MUC5B: variants seen among roughly 807,000 people sequenced by gnomAD.
MUC5B encodes the protein mucin 5B, oligomeric mucus/gel-forming, also known as mucin-5B.
Under a neutral mutation model 376.9 loss-of-function variants are expected in MUC5B, and 116 were observed. That is an observed-to-expected ratio of 0.31 (90% CI 0.26 to 0.36). The LOEUF (loss-of-function observed/expected upper bound fraction) is 0.36. Ranked by LOEUF, MUC5B falls within the 10% of genes least tolerant of loss-of-function variation. The probability of loss-of-function intolerance (pLI) is 1.00; values close to 1 mark genes in which losing one functional copy is unlikely to be tolerated. For missense variants in MUC5B, 7,165 were observed against 7,769.9 expected, an observed-to-expected ratio of 0.92 and a Z score of 2.93; for synonymous variants, 3,517 against 3,390.9, an observed-to-expected ratio of 1.04 and a Z score of -1.29.
chr11:1,229,462 G>A (rs56272039), intron 9 of MUC5B, among the ~76,000 whole-genome samples, 167 bp downstream of exon 9: 260 of 152,290 alleles, frequency 1.7e-3, no homozygotes, highest in Non-Finnish European at 2.2e-3. Context: ...AAGACCTGCC[G>A]ATGCGTGGAG....
At position 1,248,517 on chromosome 11, in the gene MUC5B, C is replaced by T; in HGVS notation, c.11637C>T (p.Ser3879=). The T allele has an allele frequency of 1.2e-6, 2 of 1,613,136 alleles. No individual in the cohort carries two copies. Among genetic ancestry groups the T allele is most frequent in the Non-Finnish European group, 8.5e-7 (1 of 1,179,578 alleles). ...TTTGFTVTPS[S]SPGTARTPPV... ...CGGGCTTCACAGTCACCCCCTCCTCCAGCCCAGGGACGGCACGCACGCCTC... is the reference window on the plus strand; with the variant it reads ...CGGGCTTCACAGTCACCCCCTCCTCTAGCCCAGGGACGGCACGCACGCCTC... The change falls in exon 31 of 49, where the codon TCC becomes TCT. Residue 3879 remains serine, a synonymous_variant. Transcript: ENST00000529681.
rs1343941114 is a variant in MUC5B, at chr11:1,246,006, C to T, written c.9126C>T (p.Ser3042=). The T allele has an allele frequency of 4.3e-6, 7 of 1,612,922 alleles. No individual in the cohort carries two copies. The highest frequency in any genetic ancestry group is 1.7e-5 in the Admixed American group (1 of 59,940). ...CCACCAGTTCCAAAGCCACTTCCTC[C>T]TCCAGTCCAAGGACTGCAACCACCC... ...PTATSSKATS[S]SSPRTATTLP... is the part of the protein sequence containing the mutation. Residue 3042 remains serine, a synonymous_variant, in exon 31 of 49, where the codon TCC becomes TCT. Coordinates refer to ENST00000529681, the MANE Select transcript of MUC5B (RefSeq NM_002458.3).
chr11:1,241,466 C>A lies in MUC5B; in HGVS notation c.4586C>A (p.Ser1529Tyr). 6.2e-7 allele frequency: 1 copy of A among 1,613,578 alleles called. No individual in the cohort carries two copies. The highest frequency in any genetic ancestry group is 1.1e-5 in the South Asian group (1 of 91,058). ...GAACAACTTGGAGGGGACGTTGAGT[C>A]CTACGATAAGATCAGGGCCGCTGGA... ...KSEQLGGDVE[S>Y]YDKIRAAGGH... Residue 1529 changes from serine (S) to tyrosine (Y), a missense_variant, in exon 31 of 49, where the codon TCC (serine) becomes TAC (tyrosine). This residue lies in a region of MUC5B where 517 missense variants were observed against 545.3 expected (regional missense o/e 0.95). Coordinates refer to ENST00000529681, the MANE Select transcript of MUC5B (RefSeq NM_002458.3).
At chr11:1,236,676 T>A (rs572847492) in intron 24 of MUC5B, 114 bp downstream of exon 24, 1 of 1,223,264 alleles carries the variant, frequency 8.2e-7, no homozygotes, top group South Asian at 1.5e-5. Flanking sequence ...TGAGCCTGGC[T>A]GGTGAGGGCC....
At chr11:1,260,188 T>A in intron 46 of MUC5B, 103 bp downstream of exon 46, 1 of 1,385,330 alleles carries the variant, frequency 7.2e-7, no homozygotes, top group Non-Finnish European at 9.8e-7. Flanking sequence ...CCACCCCTGC[T>A]GGGGAGGCCC....
At chr11:1,254,537 G>A (rs2857474) in intron 34 of MUC5B, among the ~76,000 whole-genome samples, 157 bp from the exon 35 acceptor site, 3,798 of 152,318 alleles carry the variant, frequency 0.025, 62 homozygotes, top group Non-Finnish European at 0.033. Context: ...AATGCAGCCA[G>A]CTGGAGACTC....
At position 1,247,531 on chromosome 11, in the gene MUC5B, T is replaced by C; in HGVS notation, c.10651T>C (p.Ser3551Pro). 3.1e-6 allele frequency: 5 copies of C among 1,610,158 alleles called. No individual in the cohort carries two copies. Among genetic ancestry groups the C allele is most frequent in the Non-Finnish European group, 4.2e-6 (5 of 1,179,192 alleles). ...AGCCACACCCAGCAAGACCCGCACC[T>C]CGACCCTGCTGCCCAGCAGCCCCAC... is the stretch of plus-strand genomic sequence containing the variant. ...ATATPSKTRT[S>P]TLLPSSPTSA... Residue 3551 changes from serine (S) to proline (P), a missense_variant, in exon 31 of 49, where the codon TCG becomes CCG. Coordinates refer to ENST00000529681, the MANE Select transcript of MUC5B (RefSeq NM_002458.3).
At position 1,247,043 on chromosome 11, in the gene MUC5B, C is replaced by G. The variant is rs765987581; in HGVS notation, c.10163C>G (p.Pro3388Arg). ...AGCACACAGACCAGTGGTACTCCCCCATCACTGACCACCACGGCCACTACG... is the reference window on the plus strand; with the variant it reads ...AGCACACAGACCAGTGGTACTCCCCGATCACTGACCACCACGGCCACTACG... ...SSSTQTSGTP[P>R]SLTTTATTIT... The change falls in exon 31 of 49, where the codon CCA (proline) becomes CGA (arginine). Residue 3388 changes from proline (P) to arginine (R), a missense_variant. Pro to Arg is a moderately radical substitution (Grantham distance 103). Coordinates refer to ENST00000529681, the MANE Select transcript of MUC5B (RefSeq NM_002458.3). 27 of 1,550,380 alleles carry G rather than the reference C, an allele frequency of 1.7e-5. No individual in the cohort carries two copies. The highest frequency in any genetic ancestry group is 2.3e-5 in the Non-Finnish European group (26 of 1,145,544).
Position 1,232,485 on chromosome 11 carries a change from G to T in MUC5B, c.1879G>T (p.Asp627Tyr). 2.5e-6 allele frequency: 4 copies of T among 1,610,638 alleles called. No individual in the cohort carries two copies. The highest frequency in any genetic ancestry group is 3.4e-6 in the Non-Finnish European group (4 of 1,179,052). ...YARHWCSRLTDPNSAFSRCHS... is the reference protein window; with the variant it reads ...YARHWCSRLTYPNSAFSRCHS... ...CCGGCACTGGTGCTCGCGCCTGACC[G>T]ATCCCAACAGTGCCTTCTCGCGCTG... The change falls in exon 16 of 49, where the codon GAT becomes TAT. Residue 627 changes from aspartate (D) to tyrosine (Y), a missense_variant. This residue lies in a region of MUC5B where 530 missense variants were observed against 604.0 expected (regional missense o/e 0.88). Coordinates refer to ENST00000529681, the MANE Select transcript of MUC5B (RefSeq NM_002458.3).
Position 1,241,444 on chromosome 11 carries a change from C to A in MUC5B, c.4564C>A (p.Gln1522Lys). ...WFDEDYPKSE[Q>K]LGGDVESYDK... ...TGATGAGGACTACCCCAAGTCTGAA[C>A]AACTTGGAGGGGACGTTGAGTCCTA... The change falls in exon 31 of 49, where the codon CAA (glutamine) becomes AAA (lysine). Residue 1522 changes from glutamine (Q) to lysine (K), a missense_variant. Gln to Lys is a moderately conservative substitution (Grantham distance 53). Around this residue, in one of 31 missense-constraint regions of MUC5B, gnomAD observed 517 missense variants for 545.3 expected, o/e 0.95. Coordinates refer to ENST00000529681, the MANE Select transcript of MUC5B (RefSeq NM_002458.3). The A allele has an allele frequency of 3.7e-6, 6 of 1,613,372 alleles. No homozygotes were observed. The highest frequency in any genetic ancestry group is 4.2e-6 in the Non-Finnish European group (5 of 1,179,452).
rs762551318 is a variant in MUC5B, at chr11:1,244,592, C to A, written c.7712C>A (p.Pro2571Gln). 6.2e-7 allele frequency: 1 copy of A among 1,613,626 alleles called. No individual in the cohort carries two copies. Among genetic ancestry groups the A allele is most frequent in the Non-Finnish European group, 8.5e-7 (1 of 1,179,758 alleles). ...TCCACAGCCACACCCTCCTCCACTC[C>A]AGAGACTGTCCACACCTCCACAGTG... ...TMSTATPSST[P>Q]ETVHTSTVLT... Residue 2571 changes from proline to glutamine, a missense_variant, in exon 31 of 49, where the codon CCA (proline) becomes CAA (glutamine). Around this residue, in one of 31 missense-constraint regions of MUC5B, gnomAD observed 194 missense variants for 268.5 expected, o/e 0.72. Coordinates refer to ENST00000529681, the MANE Select transcript of MUC5B (RefSeq NM_002458.3).
In MUC5B at chr11:1,241,361, C is replaced by A. The variant is rs1341136813; in HGVS notation, c.4481C>A (p.Thr1494Asn). ...TCCAGCTCAGGCCCCGTGACGGTCA[C>A]CCCCTCGGCCCCAGGTACCACCACC... ...TGSSSGPVTV[T>N]PSAPGTTTCQ... The change falls in exon 31 of 49, where the codon ACC (threonine) becomes AAC (asparagine). Residue 1494 changes from threonine to asparagine, a missense_variant. Physicochemically the swap from Thr to Asn is moderately conservative, Grantham distance 65. This residue lies in a region of MUC5B where 517 missense variants were observed against 545.3 expected (regional missense o/e 0.95). Transcript: ENST00000529681. 1.2e-6 allele frequency: 2 copies of A among 1,612,544 alleles called. No individual in the cohort carries two copies. The highest frequency in any genetic ancestry group is 1.7e-6 in the Non-Finnish European group (2 of 1,179,338).
chr11:1,250,137 G>T lies in MUC5B; in HGVS notation c.13257G>T (p.Trp4419Cys). 7 of 1,609,718 alleles carry T rather than the reference G, an allele frequency of 4.3e-6. No individual in the cohort carries two copies. Among genetic ancestry groups the T allele is most frequent in the Non-Finnish European group, 5.9e-6 (7 of 1,177,812 alleles). ...ATPSSTPGTT[W>C]ILTELTTTAT... ...CGTCCTCCACCCCAGGGACCACCTG[G>T]ATCCTCACAGAGCTGACCACAACAG... is the stretch of plus-strand genomic sequence containing the variant. The change falls in exon 31 of 49, where the codon TGG (tryptophan) becomes TGT (cysteine). Residue 4419 changes from tryptophan (W) to cysteine (C), a missense_variant. This residue lies in a region of MUC5B where 431 missense variants were observed against 390.4 expected (regional missense o/e 1.10). Coordinates refer to ENST00000529681, the MANE Select transcript of MUC5B (RefSeq NM_002458.3).
chr11:1,226,625 G>A lies in MUC5B; in HGVS notation c.210G>A (p.Pro70=), dbSNP rs374991120. The change falls in exon 4 of 49, where the codon CCG becomes CCA. Residue 70 remains proline, a synonymous_variant. Transcript: ENST00000529681. ...TVFPSLSPLN[P]AHNGRVCSTW... Reference sequence around the variant, plus strand: ...CCGCGCTCCCCACAGCCCTGAACCCGGCGCACAATGGGCGGGTGTGCAGCA... The same window carrying A: ...CCGCGCTCCCCACAGCCCTGAACCCAGCGCACAATGGGCGGGTGTGCAGCA... The A allele has an allele frequency of 4.3e-5, 70 of 1,609,942 alleles. No individual in the cohort carries two copies. In the African/African-American group the frequency reaches 8.2e-4, roughly 19 times the overall value.
rs1197147143 is a variant in MUC5B at position 1,252,875 on chromosome 11, C to T, written c.15112C>T (p.Leu5038=). The change falls in exon 33 of 49, where the codon CTG becomes TTG. Residue 5038 remains leucine (L), a synonymous_variant. Coordinates refer to ENST00000529681, the MANE Select transcript of MUC5B (RefSeq NM_002458.3). ...ARCVGDNRVV[L]LDPKPVANVT... Reference sequence around the variant, plus strand: ...GTGCGTGGGTGACAACCGTGTCGTCCTGCTGGACCCAAAGCCTGTGGCCAA... The same window carrying T: ...GTGCGTGGGTGACAACCGTGTCGTCTTGCTGGACCCAAAGCCTGTGGCCAA... 8 of 1,612,644 alleles carry T rather than the reference C, an allele frequency of 5.0e-6. No individual in the cohort carries two copies. The highest frequency in any genetic ancestry group is 1.1e-5 in the South Asian group (1 of 91,066).
chr11:1,235,022 CG>C, intron 21 of MUC5B, 62 bp from the exon 22 acceptor site: 1 of 1,549,778 alleles, frequency 6.5e-7, no homozygotes, highest in Non-Finnish European at 8.7e-7. Flanking sequence ...GCCTGGGTGC[CG>C]GGTCTCAGGA....
At chr11:1,233,663 G>C (rs907393971) in intron 18 of MUC5B, 130 bp from the exon 19 acceptor site, 2 of 845,376 alleles carry the variant, frequency 2.4e-6, no homozygotes, top group African/African-American at 3.4e-5. Flanking sequence ...ACAGCAGCAG[G>C]CACCGTCTGG....
Position 1,251,431 on chromosome 11 carries a change from C to T in MUC5B, c.14551C>T (p.Pro4851Ser), listed in dbSNP as rs201218727. The T allele has an allele frequency of 8.4e-5, 131 of 1,559,672 alleles. No individual in the cohort carries two copies. The highest frequency in any genetic ancestry group is 2.2e-4 in the African/African-American group (16 of 73,538). ...AGGGACCACCTGGATCCTCACAGAG[C>T]CGAGCACTATAGCCACCGTGATGGT... ...TPGTTWILTE[P>S]STIATVMVPT... Residue 4851 changes from proline (P) to serine (S), a missense_variant, in exon 31 of 49, where the codon CCG becomes TCG. Around this residue, in one of 31 missense-constraint regions of MUC5B, gnomAD observed 730 missense variants for 592.7 expected, o/e 1.23. Transcript: ENST00000529681.
In MUC5B at chr11:1,236,542, C is replaced by G; in HGVS notation, c.3037C>G (p.Arg1013Gly). ...SWDRKTSVFIRLHQDYKGRVC... is the reference protein window; with the variant it reads ...SWDRKTSVFIGLHQDYKGRVC... ...GGACCGGAAGACCAGCGTGTTCATC[C>G]GACTGCACCAGGACTACAAGGTGAG... Residue 1013 changes from arginine (R) to glycine (G), a missense_variant, in exon 24 of 49, where the codon CGA (arginine) becomes GGA (glycine). Coordinates refer to ENST00000529681, the MANE Select transcript of MUC5B (RefSeq NM_002458.3). 7 of 1,612,872 alleles carry G rather than the reference C, an allele frequency of 4.3e-6. No homozygotes were observed. Among genetic ancestry groups the G allele is most frequent in the Non-Finnish European group, 5.9e-6 (7 of 1,179,802 alleles).
Sources: allele counts gnomAD v4.1 joint callset (sites outside exome capture counted in the v4.1 genomes callset), GRCh38; gene constraint gnomAD v4.1.1; regional missense constraint gnomAD v4.1.1; transcripts MANE v1.5; gene names NCBI Gene and HGNC (gene_info 2026-07-23, HGNC 2026-07-21).